RBFOX1: variants seen among roughly 807,000 people sequenced by gnomAD.
The protein encoded by RBFOX1 is RNA binding fox-1 homolog 1, also known as RNA binding protein fox-1 homolog 1.
RBFOX1 carries 8 observed loss-of-function variants against 57.7 expected under a neutral mutation model. That is an observed-to-expected ratio of 0.14 (90% confidence interval 0.08 to 0.25). The LOEUF (loss-of-function observed/expected upper bound fraction) is 0.25, where lower values mean the gene tolerates loss of function less well. Ranked by LOEUF, RBFOX1 falls within the 10% of genes least tolerant of loss-of-function variation. The probability of loss-of-function intolerance (pLI) is 1.00; values close to 1 mark genes in which losing one functional copy is unlikely to be tolerated. For synonymous variants in RBFOX1, 326 were observed against 222.4 expected, an observed-to-expected ratio of 1.47 and a Z score of -4.15; for missense variants, 611 against 548.5, an observed-to-expected ratio of 1.11 and a Z score of -1.14.
chr16:6,581,188 A>G (rs1438775804), intron 2 of RBFOX1, among the ~76,000 whole-genome samples: 3 of 152,080 alleles, frequency 2.0e-5, no homozygotes, highest in Non-Finnish European at 4.4e-5. Context: ...CCCCTAATGA[A>G]GCATCTTCAA....
chr16:7,251,031 C>T (rs12927157), intron 4 of RBFOX1, among the ~76,000 whole-genome samples: 6,461 of 152,136 alleles, frequency 0.042, 148 homozygotes, highest in South Asian at 0.061. Context: ...TTAAAATCTA[C>T]TCTTCCAGTG....
chr16:7,097,806 A>T (rs1448281161), intron 4 of RBFOX1, among the ~76,000 whole-genome samples: 1 of 152,228 alleles, frequency 6.6e-6, no homozygotes, highest in East Asian at 1.9e-4. Flanking sequence ...ATCTAAAAGC[A>T]GAAAAATACG....
intron 1 of RBFOX1, among the ~76,000 whole-genome samples, chr16:6,303,456 T>C (rs2079067957): frequency 6.6e-6 from 1 of 152,102 alleles, no homozygotes; most frequent in Non-Finnish European, 1.5e-5. Context: ...TATAGAGCAA[T>C]GAGTTATGAA....
In RBFOX1 at chr16:6,570,138, C is replaced by G. The variant is rs112672747; in HGVS notation, c.-63-84465C>G. Among the ~76,000 whole-genome samples, 261 of 152,300 alleles carry G rather than the reference C, an allele frequency of 1.7e-3. 2 individuals are homozygous for G. Among genetic ancestry groups the G allele is most frequent in the African/African-American group, 6.1e-3 (255 of 41,562 alleles). On this transcript the variant is annotated intron_variant, in intron 2 of 15. Coordinates refer to ENST00000550418, the MANE Select transcript of RBFOX1 (RefSeq NM_018723.4). ...AGCCATGTGCTTAAATGAAATCTGA[C>G]TACACTAATTTCGTTATATATTAGG...
At chr16:6,756,423 A>C (rs1255673049) in intron 3 of RBFOX1, among the ~76,000 whole-genome samples, 2 of 152,192 alleles carry the variant, frequency 1.3e-5, no homozygotes, top group Non-Finnish European at 2.9e-5. Flanking sequence ...TTTTATGGCT[A>C]AGACTTCAAA....
intron 10 of RBFOX1, among the ~76,000 whole-genome samples, chr16:7,624,043 A>C (rs756409808): frequency 8.5e-5 from 13 of 152,186 alleles, no homozygotes; most frequent in Admixed American, 2.0e-4. Flanking sequence ...AGGAACCCAA[A>C]TAGCTTGTTT....
chr16:7,268,489 C>G (rs553802863), intron 4 of RBFOX1, among the ~76,000 whole-genome samples: 17 of 152,288 alleles, frequency 1.1e-4, no homozygotes, highest in Middle Eastern at 3.4e-3. Flanking sequence ...GCCTGACACT[C>G]CTTTCCAAAG....
At chr16:6,675,530 G>C (rs2057487004) in intron 3 of RBFOX1, among the ~76,000 whole-genome samples, 1 of 152,110 alleles carries the variant, frequency 6.6e-6, no homozygotes, top group South Asian at 2.1e-4. Flanking sequence ...ACCAGGCCCT[G>C]CCACAGTAGG....
At chr16:5,599,334 T>C in exon 3 of RBFOX1, 1 of 614,972 alleles carries the variant, frequency 1.6e-6, no homozygotes, top group Non-Finnish European at 2.9e-6. Context: ...TGTCATTGGG[T>C]TGTCTTCCTA....
At chr16:5,530,568 T>G (rs1164720799) in intron 2 of RBFOX1, among the ~76,000 whole-genome samples, 1 of 152,240 alleles carries the variant, frequency 6.6e-6, no homozygotes, top group Non-Finnish European at 1.5e-5. Flanking sequence ...ATCTACACTG[T>G]GGACATTTTG....
chr16:6,623,002 G>A (rs770784820), intron 2 of RBFOX1, among the ~76,000 whole-genome samples: 6 of 152,084 alleles, frequency 3.9e-5, no homozygotes, highest in Non-Finnish European at 7.4e-5. Flanking sequence ...CTATTTTAAT[G>A]AACACACCAC....
intron 4 of RBFOX1, among the ~76,000 whole-genome samples, chr16:7,357,125 CTG>C (rs2097230200): frequency 6.6e-6 from 1 of 151,926 alleles, no homozygotes; most frequent in Non-Finnish European, 1.5e-5. Context: ...GGAGAAGAAA[CTG>C]TGTGCTCGAG....
chr16:7,682,132 A>G (rs2074920733), intron 14 of RBFOX1, among the ~76,000 whole-genome samples: 1 of 152,180 alleles, frequency 6.6e-6, no homozygotes, highest in Non-Finnish European at 1.5e-5. Context: ...AAAAAGATTT[A>G]TAAAATTAGA....
chr16:6,185,082 T>A (rs2097096575), intron 1 of RBFOX1, among the ~76,000 whole-genome samples: 2 of 152,156 alleles, frequency 1.3e-5, no homozygotes, highest in Non-Finnish European at 2.9e-5. Flanking sequence ...GGAAGAGGTT[T>A]GATATGGAGA....
chr16:6,483,494 CCGA>C, intron 2 of RBFOX1: 1 of 1,535,708 alleles, frequency 6.5e-7, no homozygotes. Flanking sequence ...CACTTTGCAG[CCGA>C]CAATGAAATC....
At chr16:5,808,506 G>A (rs2055307973) in intron 3 of RBFOX1, among the ~76,000 whole-genome samples, 1 of 152,102 alleles carries the variant, frequency 6.6e-6, no homozygotes, top group Non-Finnish European at 1.5e-5. Context: ...CAATTACCTT[G>A]GGCAGTATGG....
At chr16:7,254,705 A>AT (rs1372990053) in intron 4 of RBFOX1, among the ~76,000 whole-genome samples, 3 of 152,000 alleles carry the variant, frequency 2.0e-5, no homozygotes, top group Non-Finnish European at 4.4e-5. Context: ...TTCACAAGCC[A>AT]TTTTTGCAAT....
chr16:6,810,544 C>G (rs985285102), intron 3 of RBFOX1, among the ~76,000 whole-genome samples: 2 of 151,438 alleles, frequency 1.3e-5, no homozygotes, highest in African/African-American at 4.9e-5. Flanking sequence ...CTTTTTTTTT[C>G]CTTAAGTTAG....
intron 3 of RBFOX1, among the ~76,000 whole-genome samples, chr16:6,821,560 C>T (rs1022592929): frequency 6.6e-6 from 1 of 152,118 alleles, no homozygotes; most frequent in African/African-American, 2.4e-5. Context: ...ATTTCTCTCT[C>T]CCCCCAACCG....
Sources: allele counts gnomAD v4.1 joint callset (sites outside exome capture counted in the v4.1 genomes callset), GRCh38; gene constraint gnomAD v4.1.1; transcripts MANE v1.5; gene names NCBI Gene and HGNC (gene_info 2026-07-23, HGNC 2026-07-21).